Variants in EPHA6 observed in about 807,000 individuals in gnomAD.
The protein encoded by EPHA6 is ephrin type-A receptor 6.
A neutral mutation model predicts 112.0 loss-of-function variants in EPHA6; 50 were observed. The ratio of observed to expected loss-of-function variants is 0.45; its 90% CI spans 0.36 to 0.56. The LOEUF (loss-of-function observed/expected upper bound fraction) is 0.56. Among genes scored for constraint, EPHA6 ranks in the 20% least tolerant of loss-of-function variants. The probability of loss-of-function intolerance (pLI) is 0.00; values close to 1 mark genes in which losing one functional copy is unlikely to be tolerated. For missense variants in EPHA6, 1,280 were observed against 1,417.4 expected, an observed-to-expected ratio of 0.90 and a Z score of 1.56; for synonymous variants, 529 against 490.7, an observed-to-expected ratio of 1.08 and a Z score of -1.03.
chr3:97,521,049 G>A (rs1013141501), intron 10 of EPHA6, among the ~76,000 whole-genome samples: 2 of 151,046 alleles, frequency 1.3e-5, no homozygotes, highest in African/African-American at 4.9e-5. Context: ...TTTCTGCTTG[G>A]TTCTTTTTTT....
intron 5 of EPHA6, among the ~76,000 whole-genome samples, chr3:97,288,924 A>ACTT (rs2080576707): frequency 9.0e-6 from 1 of 111,286 alleles, no homozygotes; most frequent in African/African-American, 3.5e-5. Flanking sequence ...TTTAATGGGG[A>ACTT]TTTTTTTTTT....
intron 11 of EPHA6, among the ~76,000 whole-genome samples, chr3:97,564,130 A>G (rs2093228981): frequency 6.6e-6 from 1 of 152,278 alleles, no homozygotes; most frequent in Admixed American, 6.5e-5. Context: ...AATAAAACTA[A>G]TAAGACTCAG....
intron 3 of EPHA6, among the ~76,000 whole-genome samples, chr3:97,022,975 C>G (rs1304671163): frequency 6.6e-6 from 1 of 152,156 alleles, no homozygotes; most frequent in Non-Finnish European, 1.5e-5. Flanking sequence ...AATAGGAGGA[C>G]AAGTTAATTA....
chr3:97,660,491 A>T (rs1415880732), intron 14 of EPHA6, among the ~76,000 whole-genome samples: 3 of 152,120 alleles, frequency 2.0e-5, no homozygotes, highest in Non-Finnish European at 2.9e-5. Flanking sequence ...TGCCTGGAAC[A>T]ATCCAAGATA....
At chr3:97,383,986 C>G (rs73133064) in intron 5 of EPHA6, among the ~76,000 whole-genome samples, 13,706 of 152,156 alleles carry the variant, frequency 0.09, 942 homozygotes, top group Non-Finnish European at 0.13. Context: ...ACAAAACTCT[C>G]TCACATATGA....
Position 97,525,718 on chromosome 3 carries a change from G to A in EPHA6, c.2201-6640G>A, listed in dbSNP as rs973503538. ...CATGATTGAGTGGCATTGGATGCAG[G>A]TCTTGTGCCTGATACTGGGTCTACA... On this transcript the variant is annotated intron_variant, in intron 10 of 17. Transcript: ENST00000389672. Among the ~76,000 whole-genome samples the A allele has an allele frequency of 2.0e-5, 3 of 152,306 alleles. No homozygotes were observed. In the South Asian group the frequency reaches 6.2e-4, roughly 32 times the overall value.
intron 2 of EPHA6, among the ~76,000 whole-genome samples, chr3:96,903,648 G>C (rs554621684): frequency 1.3e-4 from 19 of 151,966 alleles, no homozygotes; most frequent in Non-Finnish European, 1.8e-4. Context: ...CAATTTTAGA[G>C]AAATAGTTTT....
Position 97,741,103 on chromosome 3 carries a change from C to A in EPHA6, c.3128+4985C>A, listed in dbSNP as rs115058622. Among the ~76,000 whole-genome samples the A allele has an allele frequency of 8.8e-3, 1,332 of 152,192 alleles. 18 individuals carry two copies. Among genetic ancestry groups the A allele is most frequent in the African/African-American group, 0.031 (1,268 of 41,522 alleles). On this transcript the variant is annotated intron_variant, in intron 16 of 17. Transcript: ENST00000389672. ...CAGTGGCTCACACCTGTAATCCTGA[C>A]CCTTTGAGAGGCCAAGGTGGCAGGA... is the stretch of plus-strand genomic sequence containing the variant.
At chr3:97,604,077 C>A (rs1190473016) in intron 12 of EPHA6, among the ~76,000 whole-genome samples, 2 of 151,686 alleles carry the variant, frequency 1.3e-5, no homozygotes, top group Non-Finnish European at 3.0e-5. Context: ...TTATCCTTTT[C>A]ATCTCACCAC....
chr3:97,273,804 G>C (rs1008307085), intron 5 of EPHA6, among the ~76,000 whole-genome samples: 12 of 152,212 alleles, frequency 7.9e-5, no homozygotes, highest in African/African-American at 2.9e-4. Flanking sequence ...ATGTCTGACA[G>C]AAGGGAAGAA....
chr3:96,922,267 A>C (rs553828746), intron 2 of EPHA6, among the ~76,000 whole-genome samples: 1 of 152,190 alleles, frequency 6.6e-6, no homozygotes, highest in Non-Finnish European at 1.5e-5. Context: ...AGAAGTAATG[A>C]TAGAATTAGA....
intron 9 of EPHA6, chr3:97,481,579 A>C (rs1480238105): frequency 5.2e-6 from 3 of 581,788 alleles, no homozygotes; most frequent in Non-Finnish European, 9.7e-6. Flanking sequence ...GCGCTGGGGG[A>C]CTGTTGGGTC....
In EPHA6 at chr3:97,481,123, G is replaced by T; in HGVS notation, c.2074+1759G>T. 2 of 614,846 alleles carry T rather than the reference G, an allele frequency of 3.3e-6. 1 individual carries two copies. The highest frequency in any genetic ancestry group is 6.1e-6 in the Non-Finnish European group (2 of 327,286). 38.1% of individuals were successfully genotyped at this position (614,846 alleles called of 1,614,324 possible). The stretch of plus-strand genomic sequence containing the variant: ...TCGACACTTTGGGAGGCCAAGGCAG[G>T]TGGCTGGGAGGTGGAGGTTGTAGAG... On this transcript the variant is annotated intron_variant, in intron 9 of 17. Coordinates refer to ENST00000389672, the MANE Select transcript of EPHA6 (RefSeq NM_001080448.3).
intron 11 of EPHA6, among the ~76,000 whole-genome samples, chr3:97,543,979 T>A (rs1182872704): frequency 3.3e-5 from 5 of 152,190 alleles, no homozygotes; most frequent in East Asian, 1.9e-4. Flanking sequence ...TATCAGCTTG[T>A]GGAGATTTTG....
chr3:97,015,563 A>T (rs560422391), intron 3 of EPHA6, among the ~76,000 whole-genome samples: 1 of 152,344 alleles, frequency 6.6e-6, no homozygotes, highest in South Asian at 2.1e-4. Context: ...TCCAATTTTA[A>T]TGTTAAAAAG....
At position 97,091,028 on chromosome 3, in the gene EPHA6, C is replaced by G. The variant is rs187599510; in HGVS notation, c.1114+103035C>G. Among the ~76,000 whole-genome samples, 453 of 151,982 alleles carry G rather than the reference C, an allele frequency of 3.0e-3. 3 individuals are homozygous for G. The highest frequency in any genetic ancestry group is 9.9e-3 in the African/African-American group (411 of 41,476). On this transcript the variant is annotated intron_variant, in intron 3 of 17. Coordinates refer to ENST00000389672, the MANE Select transcript of EPHA6 (RefSeq NM_001080448.3). The stretch of plus-strand genomic sequence containing the variant: ...GTATTTAGCAGGTGCAGCCATTTAC[C>G]AAAAATTCTATGTGTATTAATTTTC...
intron 3 of EPHA6, among the ~76,000 whole-genome samples, chr3:97,177,673 T>C (rs1056277454): frequency 1.3e-5 from 2 of 152,016 alleles, no homozygotes; most frequent in African/African-American, 2.4e-5. Context: ...GATATCTTTT[T>C]GCTTAATCGA....
chr3:97,509,039 G>T (rs2092315610), intron 10 of EPHA6, among the ~76,000 whole-genome samples: 1 of 64,904 alleles, frequency 1.5e-5, no homozygotes. Flanking sequence ...CATTTGCTTG[G>T]GAGATATTCC....
intron 5 of EPHA6, among the ~76,000 whole-genome samples, chr3:97,342,625 T>A (rs1326881662): frequency 6.6e-6 from 1 of 152,136 alleles, no homozygotes; most frequent in East Asian, 1.9e-4. Context: ...GATGGAGCAT[T>A]TAGGAGGTAA....
Sources: allele counts gnomAD v4.1 joint callset (sites outside exome capture counted in the v4.1 genomes callset), GRCh38; gene constraint gnomAD v4.1.1; transcripts MANE v1.5; gene names NCBI Gene and HGNC (gene_info 2026-07-23, HGNC 2026-07-21).